Variants in HECW1 observed in about 807,000 individuals in gnomAD.
HECW1 encodes the protein HECT, C2 and WW domain containing E3 ubiquitin protein ligase 1, also known as E3 ubiquitin-protein ligase HECW1.
Under a neutral mutation model 182.3 loss-of-function variants are expected in HECW1, and 61 were observed. That is an observed-to-expected ratio of 0.33 (90% CI 0.27 to 0.41). HECW1 has a LOEUF of 0.41. HECW1 is among the 10% of genes least tolerant of loss of function. The pLI, the probability that HECW1 is intolerant of heterozygous loss-of-function variation, is 1.00. For synonymous variants in HECW1, 859 were observed against 832.6 expected (o/e 1.03, Z -0.55); for missense variants, 1,739 against 2,108.9 (o/e 0.82, Z 3.44).
At chr7:43,389,240 T>C (rs1584735926) in intron 6 of HECW1, among the ~76,000 whole-genome samples, 1 of 152,158 alleles carries the variant, frequency 6.6e-6, no homozygotes, top group African/African-American at 2.4e-5. Context: ...CAAAGTGTGG[T>C]CCCTCCACCG....
chr7:43,361,841 T>TA (rs1491404521), intron 6 of HECW1, among the ~76,000 whole-genome samples: 1 of 106,558 alleles, frequency 9.4e-6, no homozygotes, highest in African/African-American at 4.6e-5. Flanking sequence ...TTTTTTTTTT[T>TA]ACATTAAAAA....
At chr7:43,226,396 T>A (rs938805120) in intron 2 of HECW1, among the ~76,000 whole-genome samples, 1 of 152,202 alleles carries the variant, frequency 6.6e-6, no homozygotes, top group Non-Finnish European at 1.5e-5. Context: ...GGGGTGATGA[T>A]GTTGAGGATC....
At chr7:43,237,140 AGTAGGTAGGTAGGTAGGTAGGTAG>A (rs71008898) in intron 2 of HECW1, among the ~76,000 whole-genome samples, 12,582 of 133,828 alleles carry the variant, frequency 0.094, 733 homozygotes, top group Middle Eastern at 0.2. Context: ...GAAGGAAGGA[AGTAGGTAGGTAGGTAGGTAGGTAG>A]GTAGGTAGGT....
At chr7:43,232,542 T>G (rs900805921) in intron 2 of HECW1, among the ~76,000 whole-genome samples, 20 of 152,290 alleles carry the variant, frequency 1.3e-4, no homozygotes, top group African/African-American at 4.6e-4. Flanking sequence ...CAGCTTTCCT[T>G]CCTCTTGTGG....
At chr7:43,240,803 C>T (rs964034911) in intron 2 of HECW1, among the ~76,000 whole-genome samples, 2 of 152,082 alleles carry the variant, frequency 1.3e-5, no homozygotes, top group Non-Finnish European at 2.9e-5. Context: ...AAGCAGGGTG[C>T]GGCAGCCAGG....
At chr7:43,339,559 C>T (rs1812708252) in intron 5 of HECW1, among the ~76,000 whole-genome samples, 1 of 152,160 alleles carries the variant, frequency 6.6e-6, no homozygotes, top group Admixed American at 6.6e-5. Flanking sequence ...ATGACTTCAG[C>T]ATCAGGATTC....
chr7:43,330,416 C>T (rs1414114951), intron 5 of HECW1, among the ~76,000 whole-genome samples: 1 of 152,170 alleles, frequency 6.6e-6, no homozygotes, highest in East Asian at 1.9e-4. Context: ...ATGTGAGATC[C>T]GCAGGAGAAC....
chr7:43,368,798 G>A (rs1322764964), intron 6 of HECW1, among the ~76,000 whole-genome samples: 1 of 152,152 alleles, frequency 6.6e-6, no homozygotes, highest in African/African-American at 2.4e-5. Context: ...GTAGGGGTGG[G>A]TGGTTTACAT....
At chr7:43,240,476 G>A (rs542938962) in intron 2 of HECW1, among the ~76,000 whole-genome samples, 33 of 152,234 alleles carry the variant, frequency 2.2e-4, no homozygotes, top group Non-Finnish European at 4.3e-4. Context: ...GAGGAGGGAA[G>A]CAAAACAATG....
At chr7:43,405,752 G>A (rs537011549) in intron 7 of HECW1, among the ~76,000 whole-genome samples, 1 of 152,340 alleles carries the variant, frequency 6.6e-6, no homozygotes, top group Admixed American at 6.5e-5. Flanking sequence ...GGGAAGGTAG[G>A]AGCCCTCCTG....
At chr7:43,318,939 C>T (rs1230363313) in intron 4 of HECW1, among the ~76,000 whole-genome samples, 1 of 152,214 alleles carries the variant, frequency 6.6e-6, no homozygotes, top group Non-Finnish European at 1.5e-5. Context: ...GTGGAAACTA[C>T]AAGGGCTCCA....
intron 7 of HECW1, among the ~76,000 whole-genome samples, chr7:43,402,846 A>C (rs2075474274): frequency 6.6e-6 from 1 of 152,214 alleles, no homozygotes; most frequent in Non-Finnish European, 1.5e-5. Flanking sequence ...TGGAGGTAAT[A>C]CATTTTCTAG....
At chr7:43,415,680 T>C (rs1378597531) in intron 8 of HECW1, among the ~76,000 whole-genome samples, 14 of 145,084 alleles carry the variant, frequency 9.6e-5, no homozygotes, top group African/African-American at 3.6e-4. Context: ...CAGACGTAGA[T>C]TTGGTCTTTT....
At chr7:43,177,573 C>T (rs1310738081) in intron 2 of HECW1, among the ~76,000 whole-genome samples, 1 of 152,220 alleles carries the variant, frequency 6.6e-6, no homozygotes, top group Non-Finnish European at 1.5e-5. Flanking sequence ...ACTGTGGATT[C>T]AGACAACTTG....
intron 8 of HECW1, among the ~76,000 whole-genome samples, chr7:43,411,847 T>G (rs2075814289): frequency 6.6e-6 from 1 of 152,226 alleles, no homozygotes; most frequent in African/African-American, 2.4e-5. Context: ...ACTTATAAAG[T>G]GCATTGCCTA....
At chr7:43,327,089 G>A in intron 5 of HECW1, among the ~76,000 whole-genome samples, 1 of 152,224 alleles carries the variant, frequency 6.6e-6, no homozygotes. Context: ...TCACTGTTGT[G>A]TTATTTCCAA....
intron 8 of HECW1, among the ~76,000 whole-genome samples, chr7:43,429,739 A>G (rs548223077): frequency 2.1e-4 from 32 of 152,320 alleles, no homozygotes; most frequent in African/African-American, 7.7e-4. Context: ...GAACTTTTAC[A>G]CAGAAAGCAC....
At chr7:43,500,868 T>A in intron 20 of HECW1, 86 bp downstream of exon 20, 2 of 1,111,064 alleles carry the variant, frequency 1.8e-6, no homozygotes, top group Non-Finnish European at 2.8e-6. Context: ...TGGCCTAGAC[T>A]GAAAAACTCA....
chr7:43,489,564 T>C (rs539791687), intron 17 of HECW1, among the ~76,000 whole-genome samples: 1 of 152,328 alleles, frequency 6.6e-6, no homozygotes, highest in South Asian at 2.1e-4. Context: ...GACATCAAAG[T>C]GAGAAGTCCA....
Sources: gnomAD v4.1 joint callset for allele counts (sites outside exome capture counted in the v4.1 genomes callset) on GRCh38, gnomAD v4.1.1 for gene constraint, MANE v1.5 for transcripts, NCBI Gene and HGNC (gene_info 2026-07-23, HGNC 2026-07-21) for gene names.